RAB26: variants seen among roughly 807,000 people sequenced by gnomAD.
The protein encoded by RAB26 is ras-related protein Rab-26.
In RAB26, 39 loss-of-function variants were observed where a neutral mutation model predicts 33.1. The observed-to-expected ratio is 1.18, with a 90% confidence interval of 0.91 to 1.54. RAB26 has a LOEUF of 1.54. Among genes scored for constraint, RAB26 ranks in the 40% most tolerant of loss-of-function variants. The pLI is 0.00. For missense variants in RAB26, 468 were observed against 362.9 expected (o/e 1.29, Z -2.35); for synonymous variants, 192 against 151.9 (o/e 1.26, Z -1.94).
Position 2,154,018 on chromosome 16 carries a change from G to C in RAB26, c.*597G>C, listed in dbSNP as rs879335784. 3 of 358,894 alleles carry C rather than the reference G, an allele frequency of 8.4e-6. No homozygotes were observed. Among genetic ancestry groups the C allele is most frequent in the Admixed American group, 3.6e-5 (1 of 27,560 alleles). 22.2% of individuals were successfully genotyped at this position (358,894 alleles called of 1,614,324 possible). ...AAAACACCAGAAACAACAACTGCCA[G>C]CCCGGCCTGGCCACAGGTGAGGTCT... On this transcript the variant is annotated 3_prime_UTR_variant, in exon 9 of 9. Transcript: ENST00000210187.
intron 2 of RAB26, chr16:2,151,346 A>G (rs2093004342): frequency 9.5e-6 from 6 of 633,212 alleles, no homozygotes; most frequent in South Asian, 3.6e-5. Flanking sequence ...ATGAGTTCAA[A>G]TAAGTCAGCG....
Position 2,148,874 on chromosome 16 carries a change from T to C in RAB26, c.91T>C (p.Ser31Pro). Residue 31 changes from serine to proline, a missense_variant, in exon 1 of 9, where the codon TCC (serine) becomes CCC (proline). Physicochemically the swap from Ser to Pro is moderately conservative, Grantham distance 74 (BLOSUM62 -1). Transcript: ENST00000210187. ...PTANGARPAR[S>P]GTALSGPDAP... ...CGCCAACGGGGCCCGACCGGCGCGC[T>C]CCGGGACTGCGCTTTCCGGCCCCGA... 7.2e-7 allele frequency: 1 copy of C among 1,392,660 alleles called. No individual in the cohort carries two copies. Among genetic ancestry groups the C allele is most frequent in the Admixed American group, 3.0e-5 (1 of 33,008 alleles). The allele number at this position is 1,392,660 out of a possible 1,614,324, so 86.3% of individuals were successfully genotyped here.
At position 2,148,857 on chromosome 16, in the gene RAB26, G is replaced by A. The variant is rs748305891; in HGVS notation, c.74G>A (p.Gly25Glu). ...GCCTCCACGCTGCCCACCGCCAACG[G>A]GGCCCGACCGGCGCGCTCCGGGACT... ...PAASTLPTAN[G>E]ARPARSGTAL... The change falls in exon 1 of 9, where the codon GGG (glycine) becomes GAG (glutamate). Residue 25 changes from glycine to glutamate, a missense_variant. Coordinates refer to ENST00000210187, the MANE Select transcript of RAB26 (RefSeq NM_014353.5). 13 of 1,407,474 alleles carry A rather than the reference G, an allele frequency of 9.2e-6. No individual in the cohort carries two copies. The Admixed American group carries it at 1.4e-4, about 16-fold the overall frequency. The allele number at this position is 1,407,474 out of a possible 1,614,324, so 87.2% of individuals were successfully genotyped here.
In RAB26 at chr16:2,148,649, T is replaced by TGATGCC. The variant is rs1555463724; in HGVS notation, c.-134_-133insATGCCG. On this transcript the variant is annotated 5_prime_UTR_variant, in exon 1 of 9. In the 5' UTR this introduces an upstream ATG that the reference lacks. Coordinates refer to ENST00000210187, the MANE Select transcript of RAB26 (RefSeq NM_014353.5). ...GGCGCGAGCCGGGCGCCCGGGATGA[T>TGATGCC]GCCGCCGCCGCCGCCGCCGCCGCCG... 4.2e-4 allele frequency: 162 copies of TGATGCC among 388,688 alleles called. No individual in the cohort carries two copies. The highest frequency in any genetic ancestry group is 3.1e-3 in the African/African-American group (139 of 44,850). 24.1% of individuals were successfully genotyped at this position (388,688 alleles called of 1,614,324 possible). A position where few individuals can be genotyped will look rare whatever the true frequency, so the allele number is the denominator to read the frequency against.
intron 2 of RAB26, among the ~76,000 whole-genome samples, chr16:2,150,621 A>AGTCTGGGGAGCTGTTCTTTACCCC: frequency 6.6e-6 from 1 of 151,756 alleles, no homozygotes; most frequent in Non-Finnish European, 1.5e-5. Flanking sequence ...GGCTCCCTCC[A>AGTCTGGGGAGCTGTTCTTTACCCC]GTCTGGGGGT....
intron 1 of RAB26, 152 bp from the exon 2 acceptor site, chr16:2,149,789 C>T (rs1488656198): frequency 2.5e-5 from 14 of 563,594 alleles, no homozygotes; most frequent in South Asian, 7.9e-5. Context: ...CAGAGGCATA[C>T]GCTGGGTGTC....
chr16:2,153,198 A>G lies in RAB26; in HGVS notation c.644A>G (p.Asp215Gly). Residue 215 changes from aspartate (D) to glycine (G), a missense_variant, in exon 8 of 9, where the codon GAC becomes GGC. Asp to Gly is a moderately conservative substitution (Grantham distance 94, BLOSUM62 -1). Coordinates refer to ENST00000210187, the MANE Select transcript of RAB26 (RefSeq NM_014353.5). ...AGCGCCAAGACGGGCCTCAACGTGG[A>G]CTTGGCCTTCACAGCCATAGCAAAG... ...ETSAKTGLNV[D>G]LAFTAIAKEL... is the part of the protein sequence containing the mutation. 6.2e-7 allele frequency: 1 copy of G among 1,613,798 alleles called. No homozygotes were observed. The highest frequency in any genetic ancestry group is 8.5e-7 in the Non-Finnish European group (1 of 1,180,012).
In RAB26 at chr16:2,152,989, G is replaced by A; in HGVS notation, c.535G>A (p.Val179Met). The change falls in exon 7 of 9, where the codon GTG becomes ATG. Residue 179 changes from valine to methionine, a missense_variant and splice_region_variant. Val to Met is a conservative substitution (Grantham distance 21, BLOSUM62 1). Transcript: ENST00000210187. The stretch of plus-strand genomic sequence containing the variant: ...CACCAAGACCCTGTGCCTGGGCCAG[G>A]TGGACTCTGCCCATGAGCGTGTGGT... The part of the protein sequence containing the change: ...DVALMLLGNK[V>M]DSAHERVVKR... 3.1e-6 allele frequency: 5 copies of A among 1,587,342 alleles called. No individual in the cohort carries two copies. The highest frequency in any genetic ancestry group is 4.3e-6 in the Non-Finnish European group (5 of 1,163,126).
rs774799402 is a variant in RAB26 at position 2,153,165 on chromosome 16, T to C, written c.611T>C (p.Met204Thr). ...KLAKEYGLPF[M>T]ETSAKTGLNV... ...TTACAGGAGTATGGACTGCCCTTCA[T>C]GGAGACCAGCGCCAAGACGGGCCTC... The change falls in exon 8 of 9, where the codon ATG (methionine) becomes ACG (threonine). Residue 204 changes from methionine (M) to threonine (T), a missense_variant. Coordinates refer to ENST00000210187, the MANE Select transcript of RAB26 (RefSeq NM_014353.5). 3 of 1,613,826 alleles carry C rather than the reference T, an allele frequency of 1.9e-6. No homozygotes were observed. The highest frequency in any genetic ancestry group is 1.7e-6 in the Non-Finnish European group (2 of 1,180,014).
At position 2,148,757 on chromosome 16, in the gene RAB26, C is replaced by T. The variant is rs1347777957; in HGVS notation, c.-27C>T. On this transcript the variant is annotated 5_prime_UTR_variant, in exon 1 of 9. Coordinates refer to ENST00000210187, the MANE Select transcript of RAB26 (RefSeq NM_014353.5). ...ACGGCCCAGGGCACGGCGGCTGCAG[C>T]GGGAGCACACTGAGCGCCCGCCCGC... 1.2e-5 allele frequency: 15 copies of T among 1,277,804 alleles called. No homozygotes were observed. The South Asian group carries it at 1.4e-4, about 12-fold the overall frequency. The allele number at this position is 1,277,804 out of a possible 1,614,324, so 79.2% of individuals were successfully genotyped here. A position where few individuals can be genotyped will look rare whatever the true frequency, so the allele number is the denominator to read the frequency against.
intron 2 of RAB26, among the ~76,000 whole-genome samples, chr16:2,150,953 A>G (rs2093002908): frequency 1.3e-5 from 2 of 152,098 alleles, no homozygotes; most frequent in Admixed American, 1.3e-4. Flanking sequence ...ACCCCAACAG[A>G]TGGGACTGGG....
In RAB26 at chr16:2,153,617, G is replaced by A. The variant is rs1196067929; in HGVS notation, c.*196G>A. 3.5e-5 allele frequency: 23 copies of A among 665,514 alleles called. No individual in the cohort carries two copies. The highest frequency in any genetic ancestry group is 5.4e-5 in the Non-Finnish European group (20 of 368,570). The allele number at this position is 665,514 out of a possible 1,614,324, so 41.2% of individuals were successfully genotyped here. A position where few individuals can be genotyped will look rare whatever the true frequency, so the allele number is the denominator to read the frequency against. On this transcript the variant is annotated 3_prime_UTR_variant, in exon 9 of 9. Transcript: ENST00000210187. ...AGCAGGCTTCTGAGAGCCCGTGGCC[G>A]CACACTGGCCGCCACGGAAAAGCAG...
Position 2,152,820 on chromosome 16 carries a change from G to A in RAB26, c.469G>A (p.Ala157Thr). Residue 157 changes from alanine to threonine, a missense_variant and splice_region_variant, in exon 6 of 9, where the codon GCC becomes ACC. By Grantham distance (58) the Ala-to-Thr change is moderately conservative. Coordinates refer to ENST00000210187, the MANE Select transcript of RAB26 (RefSeq NM_014353.5). Reference sequence around the variant, plus strand: ...CAGCCTGGTCTGCTGCCTCCCACAGGCCTGGCTGACCGAGATCCACGAGTA... The same window carrying A: ...CAGCCTGGTCTGCTGCCTCCCACAGACCTGGCTGACCGAGATCCACGAGTA... ...TNKASFDNIQ[A>T]WLTEIHEYAQ... is the part of the protein sequence containing the mutation. The A allele has an allele frequency of 6.2e-7, 1 of 1,605,310 alleles. No homozygotes were observed.
rs1407291501 is a variant in RAB26 at position 2,148,701 on chromosome 16, C to T, written c.-83C>T. On this transcript the variant is annotated 5_prime_UTR_variant, in exon 1 of 9. Transcript: ENST00000210187. ...CGCCGCCAGGGGAAGGGTTCGGGTC[C>T]GGGTCGGGCTCGGCGGGCGCGGGGT... 6.9e-6 allele frequency: 8 copies of T among 1,162,360 alleles called. No individual in the cohort carries two copies. Among genetic ancestry groups the T allele is most frequent in the Non-Finnish European group, 8.6e-6 (8 of 933,784 alleles). 72.0% of individuals were successfully genotyped at this position (1,162,360 alleles called of 1,614,324 possible). A position where few individuals can be genotyped will look rare whatever the true frequency, so the allele number is the denominator to read the frequency against.
chr16:2,153,550 G>T lies in RAB26; in HGVS notation c.*129G>T. ...GAGTGTCTGTTTTCAGGAGCCCCAGGTCAAGCCTTGTCCCTTCCTCCTCCC... is the reference window on the plus strand; with the variant it reads ...GAGTGTCTGTTTTCAGGAGCCCCAGTTCAAGCCTTGTCCCTTCCTCCTCCC... On this transcript the variant is annotated 3_prime_UTR_variant, in exon 9 of 9. Transcript: ENST00000210187. The T allele has an allele frequency of 1.2e-6, 1 of 812,956 alleles. No individual in the cohort carries two copies. Among genetic ancestry groups the T allele is most frequent in the Non-Finnish European group, 2.0e-6 (1 of 507,612 alleles). The allele number at this position is 812,956 out of a possible 1,614,324, so 50.4% of individuals were successfully genotyped here. A position where few individuals can be genotyped will look rare whatever the true frequency, so the allele number is the denominator to read the frequency against.
At chr16:2,151,111 A>C (rs1393666142) in intron 2 of RAB26, 7 of 418,816 alleles carry the variant, frequency 1.7e-5, no homozygotes, top group Non-Finnish European at 3.3e-5. Flanking sequence ...AGTGGCTTTA[A>C]TTTTTTATTC....
Position 2,152,853 on chromosome 16 carries a change from C to G in RAB26, c.502C>G (p.His168Asp). Residue 168 changes from histidine (H) to aspartate (D), a missense_variant, in exon 6 of 9, where the codon CAC becomes GAC. His to Asp is a moderately conservative substitution (Grantham distance 81). Transcript: ENST00000210187. ...GACCGAGATCCACGAGTACGCCCAG[C>G]ACGACGTGGCGCTCATGCTGCTGGG... The part of the protein sequence containing the change: ...WLTEIHEYAQ[H>D]DVALMLLGNK... 1 of 1,608,294 alleles carries G rather than the reference C, an allele frequency of 6.2e-7. No homozygotes were observed. Among genetic ancestry groups the G allele is most frequent in the Non-Finnish European group, 8.5e-7 (1 of 1,177,866 alleles).
At chr16:2,149,915 C>A in intron 1 of RAB26, 26 bp from the exon 2 acceptor site, 3 of 1,493,560 alleles carry the variant, frequency 2.0e-6, no homozygotes, top group Non-Finnish European at 1.8e-6. Context: ...AGACCAGACT[C>A]CCCCCAACCC....
chr16:2,152,715 AAG>A, intron 5 of RAB26, 103 bp from the exon 6 acceptor site: 5 of 814,240 alleles, frequency 6.1e-6, no homozygotes, highest in East Asian at 3.1e-5. Flanking sequence ...AAAAAAAAAA[AAG>A]ATAAAGACAG....
Sources: allele counts gnomAD v4.1 joint callset (sites outside exome capture counted in the v4.1 genomes callset), GRCh38; gene constraint gnomAD v4.1.1; transcripts MANE v1.5; gene names NCBI Gene and HGNC (gene_info 2026-07-23, HGNC 2026-07-21).